The following ITGA4 variants were observed in gnomAD, a reference collection of about 807,000 sequenced individuals.
ITGA4 encodes integrin subunit alpha 4, also known as integrin alpha-4.
In ITGA4, 63 loss-of-function variants were observed where a neutral mutation model predicts 133.6. The observed-to-expected ratio is 0.47, with a 90% CI of 0.38 to 0.58. The LOEUF (loss-of-function observed/expected upper bound fraction) is 0.58. ITGA4 is among the 20% of genes least tolerant of loss of function. ITGA4 has a pLI of 0.00. For synonymous variants in ITGA4, 483 were observed against 438.0 expected, an observed-to-expected ratio of 1.10 and a Z score of -1.28; for missense variants, 1,076 against 1,252.7, an observed-to-expected ratio of 0.86 and a Z score of 2.13.
chr2:181,466,673 GAA>G (rs1236626132), intron 2 of ITGA4, among the ~76,000 whole-genome samples: 1 of 152,096 alleles, frequency 6.6e-6, no homozygotes, highest in African/African-American at 2.4e-5. Flanking sequence ...CTAGATGTGT[GAA>G]AAGAGTACAT....
intron 27 of ITGA4, 103 bp downstream of exon 27, chr2:181,535,038 T>C (rs767339151): frequency 3.1e-5 from 41 of 1,317,740 alleles, no homozygotes; most frequent in Non-Finnish European, 4.2e-5. Flanking sequence ...ACTATTTGAA[T>C]GTTAACTTTT....
chr2:181,479,693 C>T (rs549277181), intron 5 of ITGA4: 2 of 152,190 alleles, frequency 1.3e-5, no homozygotes, highest in East Asian at 3.9e-4. Context: ...GAAATGTTTT[C>T]CCTAAGCTAA....
chr2:181,538,810 T>C lies in ITGA4; in HGVS notation c.*3283T>C, dbSNP rs1687341040. Among the ~76,000 whole-genome samples, 1 of 152,192 alleles carries C rather than the reference T, an allele frequency of 6.6e-6. No homozygotes were observed. Among genetic ancestry groups the C allele is most frequent in the Non-Finnish European group, 1.5e-5 (1 of 68,024 alleles). ...CATTTTTAAAAATCCAAAATGGAAG[T>C]TGTAGACATTATCTGTAGTTTATGC... On this transcript the variant is annotated 3_prime_UTR_variant, in exon 28 of 28. Transcript: ENST00000397033.
chr2:181,533,681 A>G (rs187768368), intron 25 of ITGA4, among the ~76,000 whole-genome samples: 14 of 152,306 alleles, frequency 9.2e-5, no homozygotes, highest in African/African-American at 3.4e-4. Flanking sequence ...TTTTGGCTCT[A>G]AAATGTTAAA....
Position 181,482,659 on chromosome 2 carries a change from C to T in ITGA4, c.1041+8C>T, listed in dbSNP as rs766770773. 7.4e-6 allele frequency: 12 copies of T among 1,611,982 alleles called. No individual in the cohort carries two copies. The South Asian group carries it at 1.3e-4, about 18-fold the overall frequency. ...TACATCAACTCTGGCTCGGTATGTC[C>T]AAGTGCCCCAACTGGAAGCCATTTA... On this transcript the variant is annotated splice_region_variant and intron_variant, in intron 9 of 27. Transcript: ENST00000397033.
chr2:181,510,380 T>C (rs1342655809), intron 16 of ITGA4, among the ~76,000 whole-genome samples: 1 of 152,162 alleles, frequency 6.6e-6, no homozygotes, highest in African/African-American at 2.4e-5. Context: ...AACCGTTTTC[T>C]AAATTATCTC....
intron 11 of ITGA4, among the ~76,000 whole-genome samples, chr2:181,493,642 C>T (rs1269781135): frequency 6.6e-6 from 1 of 152,182 alleles, no homozygotes; most frequent in Non-Finnish European, 1.5e-5. Flanking sequence ...TCCACCCTAG[C>T]TTGTCTATAG....
Position 181,516,686 on chromosome 2 carries a change from T to C in ITGA4, c.1922+4911T>C, listed in dbSNP as rs1447332196. ...TCAATTATTTTGTTATTGTGATACA[T>C]TCTCTGGAGTTGAACCTAGAGGTCT... On this transcript the variant is annotated intron_variant, in intron 17 of 27. Coordinates refer to ENST00000397033, the MANE Select transcript of ITGA4 (RefSeq NM_000885.6). This position sits in a 1 kb window ranked among gnomAD's most constrained non-coding sequence, Gnocchi z 4.0. 6.6e-6 allele frequency among the ~76,000 whole-genome samples: 1 copy of C among 152,034 alleles called. No homozygotes were observed. The highest frequency in any genetic ancestry group is 1.5e-5 in the Non-Finnish European group (1 of 67,970).
upstream of ITGA4, chr2:181,457,313 G>C (rs887468593): frequency 8.3e-6 from 2 of 241,916 alleles, no homozygotes; most frequent in Non-Finnish European, 1.6e-5. Context: ...GCAGCCGCGC[G>C]TAGGCAGAGA....
At chr2:181,511,585 T>C (rs1244330630) in intron 16 of ITGA4, 114 bp from the exon 17 acceptor site, 6 of 589,210 alleles carry the variant, frequency 1.0e-5, no homozygotes, top group African/African-American at 1.9e-5. Context: ...AGTTGTCAAT[T>C]TGATGTATCA....
intron 17 of ITGA4, among the ~76,000 whole-genome samples, chr2:181,518,647 C>CCAACTACTCAACTCTGTCA (rs1686659356): frequency 6.6e-6 from 1 of 151,852 alleles, no homozygotes; most frequent in African/African-American, 2.4e-5. Context: ...GATCTCTGTC[C>CCAACTACTCAACTCTGTCA]CAACTACTCA....
intron 2 of ITGA4, among the ~76,000 whole-genome samples, chr2:181,464,283 C>A (rs1685359424): frequency 6.6e-6 from 1 of 152,062 alleles, no homozygotes; most frequent in Admixed American, 6.6e-5. Context: ...TCATTAGTAA[C>A]CTCGGTAAGA....
intron 27 of ITGA4, 133 bp from the exon 28 acceptor site, chr2:181,535,299 C>A (rs970014868): frequency 4.3e-6 from 3 of 700,456 alleles, no homozygotes; most frequent in East Asian, 2.8e-5. Context: ...CTCTGTTAAA[C>A]CTTTATGACT....
At chr2:181,519,372 G>T (rs1686672300) in intron 17 of ITGA4, among the ~76,000 whole-genome samples, 1 of 152,048 alleles carries the variant, frequency 6.6e-6, no homozygotes, top group Non-Finnish European at 1.5e-5. Flanking sequence ...TGAGCTAGGT[G>T]CTTAACGCAT....
In ITGA4 at chr2:181,457,575, TC is replaced by T. The variant is rs1685153548; in HGVS notation, c.-76del. On this transcript the variant is annotated 5_prime_UTR_variant, in exon 1 of 28. Transcript: ENST00000397033. ...TGCGCCTCATCTCTTGGGGCGTTCT[TC>T]CCCGTTGGCCAACCGTCGCATCCCG... 1 of 1,324,860 alleles carries T rather than the reference TC, an allele frequency of 7.5e-7. No individual in the cohort carries two copies. The highest frequency in any genetic ancestry group is 1.5e-5 in the African/African-American group (1 of 68,330). The allele number at this position is 1,324,860 out of a possible 1,614,324, so 82.1% of individuals were successfully genotyped here.
chr2:181,470,414 C>G (rs1296263801), intron 2 of ITGA4, among the ~76,000 whole-genome samples: 2 of 152,038 alleles, frequency 1.3e-5, no homozygotes, highest in African/African-American at 4.8e-5. Context: ...CATTGTAGAG[C>G]TATTGTTCAC....
intron 2 of ITGA4, 132 bp downstream of exon 2, chr2:181,458,449 A>G: frequency 2.0e-6 from 2 of 997,842 alleles, no homozygotes; most frequent in South Asian, 3.1e-5. Context: ...TTCAGTTTCA[A>G]CTCCATCTCA....
rs551029419 is a variant in ITGA4 at position 181,536,076 on chromosome 2, C to T, written c.*549C>T. On this transcript the variant is annotated 3_prime_UTR_variant, in exon 28 of 28. Transcript: ENST00000397033. ...AATACATTTCCTACGGGCTGTGTTC[C>T]AACAACCATTTTTTTTCAGCAGACT... 6.6e-6 allele frequency: 1 copy of T among 151,782 alleles called. No homozygotes were observed. The highest frequency in any genetic ancestry group is 2.1e-4 in the South Asian group (1 of 4,734). 9.4% of individuals were successfully genotyped at this position (151,782 alleles called of 1,614,324 possible). A position where few individuals can be genotyped will look rare whatever the true frequency, so the allele number is the denominator to read the frequency against.
chr2:181,523,540 T>C lies in ITGA4; in HGVS notation c.2169+8T>C, dbSNP rs373114645. On this transcript the variant is annotated splice_region_variant and intron_variant, in intron 19 of 27. Transcript: ENST00000397033. The surrounding 1 kb of genome is among the most constrained non-coding windows in gnomAD (Gnocchi z 4.2). ...GTAGATCATCTCTCAAGGGTAAGTG[T>C]TTCATATTTATGGCTTTTGTTCACT... 2 of 1,470,944 alleles carry C rather than the reference T, an allele frequency of 1.4e-6. No homozygotes were observed. The highest frequency in any genetic ancestry group is 1.9e-6 in the Non-Finnish European group (2 of 1,051,972). 91.1% of individuals were successfully genotyped at this position (1,470,944 alleles called of 1,614,324 possible).
Sources: gnomAD v4.1 joint callset for allele counts (sites outside exome capture counted in the v4.1 genomes callset) on GRCh38, gnomAD v4.1.1 for gene constraint, Gnocchi (gnomAD v3.1) non-coding constraint, MANE v1.5 for transcripts, NCBI Gene and HGNC (gene_info 2026-07-23, HGNC 2026-07-21) for gene names.